Variants in COBL observed in about 807,000 individuals in gnomAD.
COBL encodes the protein cordon-bleu WH2 repeat protein, also known as protein cordon-bleu.
COBL carries 51 observed loss-of-function variants against 98.8 expected under a neutral mutation model. The ratio of observed to expected loss-of-function variants is 0.52; its 90% CI spans 0.41 to 0.65. COBL has a LOEUF of 0.65. COBL is among the 30% of genes least tolerant of loss of function. COBL has a pLI of 0.00. For synonymous variants in COBL, 634 were observed against 651.7 expected (o/e 0.97, Z 0.41); for missense variants, 1,617 against 1,617.5 (o/e 1.00, Z 0.01).
chr7:51,301,116 C>T (rs1351605403), intron 1 of COBL, among the ~76,000 whole-genome samples: 1 of 152,170 alleles, frequency 6.6e-6, no homozygotes, highest in Non-Finnish European at 1.5e-5. Context: ...ACCGCGCAGG[C>T]TGCTGCTCTG....
At chr7:51,147,449 T>C (rs1259265954) in intron 5 of COBL, among the ~76,000 whole-genome samples, 1 of 152,182 alleles carries the variant, frequency 6.6e-6, no homozygotes, top group African/African-American at 2.4e-5. Flanking sequence ...GACAGGGTCA[T>C]TTATAACCTG....
At chr7:51,107,164 G>A (rs1295049593) in intron 6 of COBL, among the ~76,000 whole-genome samples, 1 of 135,666 alleles carries the variant, frequency 7.4e-6, no homozygotes, top group East Asian at 2.3e-4. Flanking sequence ...GTGTGATCTT[G>A]GCTCACTGCA....
chr7:51,220,903 T>C (rs1037999645), intron 1 of COBL, among the ~76,000 whole-genome samples: 3 of 152,194 alleles, frequency 2.0e-5, no homozygotes, highest in Non-Finnish European at 4.4e-5. Flanking sequence ...TACCTTATTT[T>C]ATACATAGAA....
At position 51,028,757 on chromosome 7, in the gene COBL, A is replaced by G; in HGVS notation, c.2339T>C (p.Leu780Pro). The change falls in exon 10 of 13, where the codon CTG becomes CCG. Residue 780 changes from leucine (L) to proline (P), a missense_variant. Around this residue, in one of 3 missense-constraint regions of COBL, gnomAD observed 1,304 missense variants for 1,282.0 expected, o/e 1.02. Coordinates refer to ENST00000265136, the MANE Select transcript of COBL (RefSeq NM_015198.5). ...GGCAGAGCTCTCTGAGGGTCGGCCC[A>G]GGTGTTTTTCCACAGAGTTGCACCT... The part of the protein sequence containing the change: ...FWRCNSVEKH[L>P]GRPSESSARG... 6.2e-7 allele frequency: 1 copy of G among 1,614,210 alleles called. No individual in the cohort carries two copies. Among genetic ancestry groups the G allele is most frequent in the Non-Finnish European group, 8.5e-7 (1 of 1,180,026 alleles).
At chr7:51,112,230 C>T (rs1002108857) in intron 6 of COBL, among the ~76,000 whole-genome samples, 3 of 152,124 alleles carry the variant, frequency 2.0e-5, no homozygotes, top group African/African-American at 4.8e-5. Flanking sequence ...AGTATCTTTG[C>T]TATACATCAG....
chr7:51,204,546 A>G (rs1409006423), intron 2 of COBL, among the ~76,000 whole-genome samples: 1 of 149,560 alleles, frequency 6.7e-6, no homozygotes, highest in Admixed American at 6.8e-5. Context: ...ATACAAAAAA[A>G]TCAGTGGCTT....
In COBL at chr7:51,311,165, T is replaced by G. The variant is rs538072690; in HGVS notation, c.41+5428A>C. Among the ~76,000 whole-genome samples, 7 of 152,360 alleles carry G rather than the reference T, an allele frequency of 4.6e-5. No individual in the cohort carries two copies. In the East Asian group the frequency reaches 1.3e-3, roughly 29 times the overall value. ...TGGCAGTTGCTTAAAAAGCTTTTTC[T>G]CTTTTTTAATAGAAATGTTTTTAGC... On this transcript the variant is annotated intron_variant, in intron 1 of 12. Transcript: ENST00000265136.
intron 6 of COBL, among the ~76,000 whole-genome samples, chr7:51,091,131 A>G (rs773784038): frequency 2.6e-5 from 4 of 152,210 alleles, no homozygotes; most frequent in Non-Finnish European, 4.4e-5. Flanking sequence ...AAAAAATAAC[A>G]AGGTACATGA....
chr7:51,087,611 ACT>A (rs1387309272), intron 6 of COBL, among the ~76,000 whole-genome samples: 1 of 151,712 alleles, frequency 6.6e-6, no homozygotes, highest in African/African-American at 2.4e-5. Flanking sequence ...AGTAGCTGGG[ACT>A]ACAGGCACTG....
chr7:51,065,229 T>A (rs769477216), intron 7 of COBL: 197 of 703,298 alleles, frequency 2.8e-4, no homozygotes, highest in Non-Finnish European at 3.8e-4. Flanking sequence ...TGTGTCTAAG[T>A]GTGCACATGC....
Position 51,029,516 on chromosome 7 carries a change from T to C in COBL, c.1580A>G (p.Gln527Arg), listed in dbSNP as rs1281443320. ...GTCGCCGTGAGGGATCATGGCATCC[T>C]GTGGGCAGTGGTTGGATGCACCATG... ...SIHGASNHCP[Q>R]DAMIPHGDTD... The change falls in exon 10 of 13, where the codon CAG becomes CGG. Residue 527 changes from glutamine (Q) to arginine (R), a missense_variant. Around this residue, in one of 3 missense-constraint regions of COBL, gnomAD observed 1,304 missense variants for 1,282.0 expected, o/e 1.02. Coordinates refer to ENST00000265136, the MANE Select transcript of COBL (RefSeq NM_015198.5). The C allele has an allele frequency of 1.9e-6, 3 of 1,614,054 alleles. No individual in the cohort carries two copies. In the South Asian group the frequency reaches 3.3e-5, roughly 18 times the overall value.
intron 5 of COBL, among the ~76,000 whole-genome samples, chr7:51,141,779 G>A (rs1337777608): frequency 4.6e-5 from 7 of 152,082 alleles, no homozygotes; most frequent in Admixed American, 1.3e-4. Context: ...TGAGGCGAAC[G>A]GGCACTCCCT....
intron 1 of COBL, among the ~76,000 whole-genome samples, chr7:51,232,079 G>A (rs1335952591): frequency 2.0e-5 from 3 of 152,166 alleles, no homozygotes; most frequent in African/African-American, 4.8e-5. Flanking sequence ...AAATAGGACC[G>A]TTCTGGTAGA....
chr7:51,257,108 G>C (rs1318453640), intron 1 of COBL, among the ~76,000 whole-genome samples: 1 of 152,138 alleles, frequency 6.6e-6, no homozygotes, highest in Non-Finnish European at 1.5e-5. Flanking sequence ...TCATGGCAAA[G>C]ATGAGATGCA....
At chr7:51,093,833 G>A (rs756809311) in intron 6 of COBL, among the ~76,000 whole-genome samples, 2 of 151,944 alleles carry the variant, frequency 1.3e-5, no homozygotes, top group Non-Finnish European at 2.9e-5. Flanking sequence ...ATTGAAGGCT[G>A]CAGGAGGCCA....
At chr7:51,230,836 A>G (rs1794672159) in intron 1 of COBL, among the ~76,000 whole-genome samples, 2 of 152,208 alleles carry the variant, frequency 1.3e-5, no homozygotes, top group Non-Finnish European at 2.9e-5. Flanking sequence ...CACGTGGGGC[A>G]GATCCCCTGC....
At chr7:51,060,412 G>A (rs1156883887) in intron 7 of COBL, among the ~76,000 whole-genome samples, 1 of 152,192 alleles carries the variant, frequency 6.6e-6, no homozygotes, top group Non-Finnish European at 1.5e-5. Context: ...AAGGAGTGCA[G>A]CAATGAGCCT....
intron 5 of COBL, among the ~76,000 whole-genome samples, chr7:51,142,203 A>ATTCTTT (rs1349735362): frequency 1.4e-4 from 21 of 152,152 alleles, no homozygotes; most frequent in Middle Eastern, 6.8e-3. Flanking sequence ...CAAGTACCCC[A>ATTCTTT]TGGAATGCCT....
At chr7:51,143,071 G>C (rs548254706) in intron 5 of COBL, among the ~76,000 whole-genome samples, 14 of 152,182 alleles carry the variant, frequency 9.2e-5, no homozygotes, top group Non-Finnish European at 1.6e-4. Flanking sequence ...TAAGGCAAGA[G>C]AATGTTATGA....
Sources: allele counts gnomAD v4.1 joint callset (sites outside exome capture counted in the v4.1 genomes callset), GRCh38; gene constraint gnomAD v4.1.1; regional missense constraint gnomAD v4.1.1; transcripts MANE v1.5; gene names NCBI Gene and HGNC (gene_info 2026-07-23, HGNC 2026-07-21).